MACF1: variants seen among roughly 807,000 people sequenced by gnomAD.
MACF1 encodes the protein microtubule actin crosslinking factor 1.
Under a neutral mutation model 854.8 loss-of-function variants are expected in MACF1, and 193 were observed. The observed-to-expected ratio is 0.23, with a 90% CI of 0.20 to 0.25. The LOEUF (loss-of-function observed/expected upper bound fraction) is 0.25. Ranked by LOEUF, MACF1 falls within the 10% of genes least tolerant of loss-of-function variation. The probability of loss-of-function intolerance (pLI) is 1.00; values close to 1 mark genes in which losing one functional copy is unlikely to be tolerated. For missense variants in MACF1, 7,722 were observed against 8,929.1 expected, an observed-to-expected ratio of 0.86 and a Z score of 5.45; for synonymous variants, 3,185 against 3,226.7, an observed-to-expected ratio of 0.99 and a Z score of 0.44.
In MACF1 at chr1:39,090,499, C is replaced by CTCTGAGGT. The variant is rs550751538; in HGVS notation, c.220+6062_220+6069dup. Among the ~76,000 whole-genome samples the CTCTGAGGT allele has an allele frequency of 8.5e-5, 13 of 152,358 alleles. No homozygotes were observed. The East Asian group carries it at 2.5e-3, about 29-fold the overall frequency. ...AGAAAAGACAGCCAATCTGTCCTTTCTCTGAGGTGCAGGGCCCCTGTGGGA... is the reference window on the plus strand; with the variant it reads ...AGAAAAGACAGCCAATCTGTCCTTTCTCTGAGGTTCTGAGGTGCAGGGCCCCTGTGGGA... On this transcript the variant is annotated intron_variant, in intron 2 of 93. Coordinates refer to the MACF1 transcript ENST00000361689.
At chr1:39,098,008 T>G (rs1162707537) in intron 2 of MACF1, among the ~76,000 whole-genome samples, 1 of 152,120 alleles carries the variant, frequency 6.6e-6, no homozygotes, top group African/African-American at 2.4e-5. Flanking sequence ...CCTCACAGTT[T>G]GGGGAACCTC....
chr1:39,361,267 C>A, intron 48 of MACF1, 93 bp from the exon 49 acceptor site: 2 of 1,260,160 alleles, frequency 1.6e-6, no homozygotes, highest in Admixed American at 2.2e-5. Context: ...GTCCTCCAGT[C>A]CCCCTTGTGA....
rs779010995 is a variant in MACF1, at chr1:39,336,502, T to C, written c.9914T>C (p.Val3305Ala). Residue 3305 changes from valine (V) to alanine (A), a missense_variant, in exon 37 of 101, where the codon GTG becomes GCG. Physicochemically the swap from Val to Ala is moderately conservative, Grantham distance 64. Transcript: ENST00000564288. ...TVLETSEEKT[V>A]SLTVCSAVKT... Reference sequence around the variant, plus strand: ...CTAGAGACCAGTGAAGAAAAGACAGTGTCCCTAACAGTATGCTCTGCAGTG... The same window carrying C: ...CTAGAGACCAGTGAAGAAAAGACAGCGTCCCTAACAGTATGCTCTGCAGTG... The C allele has an allele frequency of 5.6e-6, 9 of 1,614,166 alleles. No homozygotes were observed. The Admixed American group carries it at 1.3e-4, about 24-fold the overall frequency.
rs909237554 is a variant in MACF1 at position 39,084,965 on chromosome 1, A to G, written c.220+527A>G. ...TGAAATCCTTGGAGAGTACAGTTTT[A>G]CTTGTATCGCCTTCCAAAAGTGTTC... On this transcript the variant is annotated intron_variant, in intron 2 of 93. Transcript: ENST00000361689. The surrounding 1 kb of genome is among the most constrained non-coding windows in gnomAD (Gnocchi z 5.2). 1.3e-5 allele frequency among the ~76,000 whole-genome samples: 2 copies of G among 152,144 alleles called. No homozygotes were observed. Among genetic ancestry groups the G allele is most frequent in the African/African-American group, 4.8e-5 (2 of 41,436 alleles).
At chr1:39,319,823 G>C in intron 31 of MACF1, 76 bp downstream of exon 31, 1 of 1,039,882 alleles carries the variant, frequency 9.6e-7, no homozygotes, top group South Asian at 1.4e-5. Context: ...TGTAGGTTCT[G>C]TTTCTAGACA....
At chr1:39,268,603 A>AT (rs1645264171) in intron 6 of MACF1, 7 of 1,191,018 alleles carry the variant, frequency 5.9e-6, no homozygotes, top group Non-Finnish European at 6.4e-6. Context: ...ATGTTTTTAA[A>AT]TGTGCATCGA....
At chr1:39,222,748 A>G (rs1019184343) in intron 1 of MACF1, among the ~76,000 whole-genome samples, 1 of 152,174 alleles carries the variant, frequency 6.6e-6, no homozygotes, top group African/African-American at 2.4e-5. Flanking sequence ...TTCCAACTCT[A>G]CTTCCCTTCT....
intron 52 of MACF1, chr1:39,372,916 G>A: frequency 3.7e-6 from 1 of 271,164 alleles, no homozygotes; most frequent in Non-Finnish European, 7.0e-6. Flanking sequence ...AAATGGGATG[G>A]GTAAGCATCA....
intron 58 of MACF1, among the ~76,000 whole-genome samples, chr1:39,407,478 G>A (rs1642757339): frequency 6.6e-6 from 1 of 152,188 alleles, no homozygotes; most frequent in South Asian, 2.1e-4. Flanking sequence ...AAACTAGAAA[G>A]GGTGTCAAGA....
intron 6 of MACF1, among the ~76,000 whole-genome samples, chr1:39,258,374 G>A (rs535813049): frequency 6.6e-6 from 1 of 152,330 alleles, no homozygotes; most frequent in African/African-American, 2.4e-5. Flanking sequence ...AGCTGTTGGT[G>A]TTGATGCTTT....
intron 2 of MACF1, among the ~76,000 whole-genome samples, chr1:39,091,310 C>G (rs1005446333): frequency 1.2e-4 from 18 of 152,178 alleles, no homozygotes; most frequent in African/African-American, 4.3e-4. Flanking sequence ...TGGGAGTCAG[C>G]TGGAGCCCTA....
chr1:39,340,554 A>T lies in MACF1; in HGVS notation c.10268A>T (p.Glu3423Val). The T allele has an allele frequency of 6.2e-7, 1 of 1,614,076 alleles. No homozygotes were observed. Among genetic ancestry groups the T allele is most frequent in the South Asian group, 1.1e-5 (1 of 91,072 alleles). The change falls in exon 39 of 101, where the codon GAG becomes GTG. Residue 3423 changes from glutamate to valine, a missense_variant. Glu to Val is a moderately radical substitution (Grantham distance 121). This residue lies in a region of MACF1 where 854 missense variants were observed against 852.6 expected (regional missense o/e 1.00). Transcript: ENST00000564288. ...ACCACCTTGGTCAGTCAGGAGCTGG[A>T]GTGTGTGAATCAGATTATCATCAGC... ...DLTTLVSQELECVNQIIISQP... is the reference protein window; with the variant it reads ...DLTTLVSQELVCVNQIIISQP...
At chr1:39,345,708 A>T (rs905487539) in intron 40 of MACF1, among the ~76,000 whole-genome samples, 1 of 152,234 alleles carries the variant, frequency 6.6e-6, no homozygotes, top group Admixed American at 6.5e-5. Context: ...TAGAAATTTG[A>T]ACCTAAGAAA....
chr1:39,159,310 T>C (rs938144360), intron 2 of MACF1, among the ~76,000 whole-genome samples: 4 of 152,238 alleles, frequency 2.6e-5, no homozygotes, highest in African/African-American at 9.6e-5. Flanking sequence ...CTCCCTGTTT[T>C]CTTTGAGGTG....
chr1:39,381,616 A>G (rs998839126), intron 55 of MACF1, among the ~76,000 whole-genome samples: 2 of 151,854 alleles, frequency 1.3e-5, no homozygotes, highest in African/African-American at 4.8e-5. Flanking sequence ...TGATTTTCCC[A>G]CTTGAGGAGT....
intron 49 of MACF1, among the ~76,000 whole-genome samples, chr1:39,365,946 G>T (rs895815808): frequency 6.6e-6 from 1 of 152,168 alleles, no homozygotes; most frequent in African/African-American, 2.4e-5. Flanking sequence ...AAAGTGCTGA[G>T]ATTACAGGCA....
intron 58 of MACF1, among the ~76,000 whole-genome samples, chr1:39,398,838 C>CTG (rs1198244075): frequency 1.3e-5 from 2 of 152,210 alleles, no homozygotes; most frequent in African/African-American, 4.8e-5. Context: ...AATCAATCAG[C>CTG]TGTGTATCTC....
chr1:39,431,961 A>G (rs1413186873), intron 66 of MACF1, among the ~76,000 whole-genome samples: 22 of 152,182 alleles, frequency 1.4e-4, no homozygotes, highest in Admixed American at 1.4e-3. Context: ...GGGCAACAGA[A>G]TCAGACCCTG....
rs750732270 is a variant in MACF1 at position 39,283,647 on chromosome 1, A to C, written c.915+132A>C. 1.5e-5 allele frequency: 10 copies of C among 669,898 alleles called. No homozygotes were observed. Among genetic ancestry groups the C allele is most frequent in the Admixed American group, 2.7e-5 (1 of 37,562 alleles). 41.5% of individuals were successfully genotyped at this position (669,898 alleles called of 1,614,324 possible). ...TATATATCCAGTATCTTTATCATAC[A>C]TGGACATTATCCTTGGCCCTGGAAA... On this transcript the variant is annotated intron_variant, in intron 9 of 100. Coordinates refer to ENST00000564288, the MANE Select transcript of MACF1 (RefSeq NM_001394062.1). This position sits in a 1 kb window ranked among gnomAD's most constrained non-coding sequence, Gnocchi z 4.5.
Sources: gnomAD v4.1 joint callset for allele counts (sites outside exome capture counted in the v4.1 genomes callset) on GRCh38, gnomAD v4.1.1 for gene constraint, gnomAD v4.1.1 regional missense constraint, Gnocchi (gnomAD v3.1) non-coding constraint, MANE v1.5 for transcripts, NCBI Gene and HGNC (gene_info 2026-07-23, HGNC 2026-07-21) for gene names.